Variants in NLGN3 observed in about 807,000 individuals in gnomAD.
NLGN3 encodes neuroligin-3.
A neutral mutation model predicts 42.9 loss-of-function variants in NLGN3; 11 were observed. The ratio of observed to expected loss-of-function variants is 0.26; its 90% CI spans 0.16 to 0.42. NLGN3 has a LOEUF of 0.42. NLGN3 is among the 10% of genes least tolerant of loss of function. The pLI is 1.00. For missense variants in NLGN3, 374 were observed against 733.8 expected (o/e 0.51, Z 5.67); for synonymous variants, 279 against 312.7 (o/e 0.89, Z 1.14).
rs369777561 is a variant in NLGN3 at position 71,167,186 on chromosome X, G to A, written c.1089G>A (p.Gln363=). The stretch of plus-strand genomic sequence containing the variant: ...AGAGTGCCAAGGAGCTGGTAGAGCA[G>A]GACATCCAGCCAGCCCGCTACCACG... ...RQKSAKELVE[Q]DIQPARYHVA... The change falls in exon 7 of 8, where the codon CAG becomes CAA. Residue 363 remains glutamine, a synonymous_variant. Transcript: ENST00000358741. 10 of 1,212,092 alleles carry A rather than the reference G, an allele frequency of 8.3e-6. No individual in the cohort carries two copies. The highest frequency in any genetic ancestry group is 1.1e-5 in the Non-Finnish European group (10 of 895,576).
chrX:71,156,446 C>T (rs950987166), intron 5 of NLGN3, among the ~76,000 whole-genome samples: 5 of 110,575 alleles, frequency 4.5e-5, no homozygotes, highest in Non-Finnish European at 7.6e-5. Flanking sequence ...TATATACATC[C>T]CACACACTGC....
At chrX:71,163,226 G>A (rs1298119634) in intron 5 of NLGN3, among the ~76,000 whole-genome samples, 1 of 111,121 alleles carries the variant, frequency 9.0e-6, no homozygotes, top group African/African-American at 3.3e-5. Flanking sequence ...GTGGGGGGGC[G>A]GGAAGACCTG....
chrX:71,170,300 G>C lies in NLGN3; in HGVS notation c.*203G>C, dbSNP rs1389830517. ...CCGCATGTACAAAAACACAAATACG[G>C]AAGTAAACCTGAACAAACCCTTTAA... On this transcript the variant is annotated 3_prime_UTR_variant, in exon 8 of 8. Transcript: ENST00000358741. 9.1e-7 allele frequency: 1 copy of C among 1,102,631 alleles called. No homozygotes were observed. Among genetic ancestry groups the C allele is most frequent in the African/African-American group, 1.8e-5 (1 of 54,512 alleles). The allele number at this position is 1,102,631 out of a possible 1,213,427, so 90.9% of individuals were successfully genotyped here. A position where few individuals can be genotyped will look rare whatever the true frequency, so the allele number is the denominator to read the frequency against.
chrX:71,161,704 G>A (rs1214994438), intron 5 of NLGN3, among the ~76,000 whole-genome samples: 1 of 111,490 alleles, frequency 9.0e-6, no homozygotes, highest in African/African-American at 3.3e-5. Flanking sequence ...AACCTGGGAG[G>A]CGGAGGTTGC....
downstream of NLGN3, chrX:71,171,546 T>TCTC: frequency 8.6e-6 from 2 of 231,361 alleles, no homozygotes; most frequent in South Asian, 2.0e-4. Flanking sequence ...TCCTCTTACT[T>TCTC]CTCCTCCTCC....
intron 3 of NLGN3, among the ~76,000 whole-genome samples, chrX:71,151,942 G>A (rs1016091761): frequency 8.9e-6 from 1 of 111,958 alleles, no homozygotes; most frequent in African/African-American, 3.2e-5. Context: ...AATGTGTTAA[G>A]ACGGTAGGTG....
intron 5 of NLGN3, among the ~76,000 whole-genome samples, chrX:71,156,289 C>T (rs2092408571): frequency 9.3e-6 from 1 of 107,899 alleles, no homozygotes. Flanking sequence ...TTTACACATC[C>T]ACCTACCACA....
At chrX:71,160,285 C>T (rs1482767560) in intron 5 of NLGN3, among the ~76,000 whole-genome samples, 1 of 104,756 alleles carries the variant, frequency 9.5e-6, no homozygotes, top group African/African-American at 3.5e-5. Flanking sequence ...GGCATGATCT[C>T]GGCTCACTAC....
chrX:71,156,650 A>C (rs1274840269), intron 5 of NLGN3, among the ~76,000 whole-genome samples: 3 of 110,010 alleles, frequency 2.7e-5, no homozygotes, highest in Non-Finnish European at 5.7e-5. Context: ...GTATCCATAC[A>C]TGCACACACA....
chrX:71,170,311 G>T lies in NLGN3; in HGVS notation c.*214G>T, dbSNP rs980478980. The T allele has an allele frequency of 7.3e-6, 8 of 1,090,855 alleles. No individual in the cohort carries two copies. In the African/African-American group the frequency reaches 1.1e-4, roughly 15 times the overall value. The allele number at this position is 1,090,855 out of a possible 1,213,427, so 89.9% of individuals were successfully genotyped here. ...AAAACACAAATACGGAAGTAAACCT[G>T]AACAAACCCTTTAAATGGGGACGCA... On this transcript the variant is annotated 3_prime_UTR_variant, in exon 8 of 8. Transcript: ENST00000358741.
chrX:71,171,926 T>G (rs964578640), downstream of NLGN3, among the ~76,000 whole-genome samples: 3 of 111,160 alleles, frequency 2.7e-5, no homozygotes, highest in Non-Finnish European at 5.7e-5. Context: ...GCAAGTATGA[T>G]AGTTGGGTGG....
chrX:71,155,414 G>A (rs771392387), intron 5 of NLGN3, 51 bp downstream of exon 5: 2 of 1,180,775 alleles, frequency 1.7e-6, no homozygotes, highest in Admixed American at 2.2e-5. Context: ...CGCAAGGGGG[G>A]AGGAAAGAAT....
At position 71,169,995 on chromosome X, in the gene NLGN3, C is replaced by T. The variant is rs1307441406; in HGVS notation, c.2445C>T (p.Pro815=). Residue 815 remains proline, a synonymous_variant, in exon 8 of 8, where the codon CCC becomes CCT. Transcript: ENST00000358741. ...CCCCCAACACCATCACTATGATCCC[C>T]AACTCCCTGGTAGGGCTGCAGACAT... ...LMTPNTITMI[P]NSLVGLQTLH... 1 of 1,209,529 alleles carries T rather than the reference C, an allele frequency of 8.3e-7. No individual in the cohort carries two copies. The highest frequency in any genetic ancestry group is 3.0e-5 in the East Asian group (1 of 33,732).
At chrX:71,160,213 C>CTTT (rs754499358) in intron 5 of NLGN3, among the ~76,000 whole-genome samples, 6 of 95,744 alleles carry the variant, frequency 6.3e-5, no homozygotes, top group Admixed American at 2.3e-4. Context: ...TTCTTTCTTT[C>CTTT]TTTTTTTTTT....
At chrX:71,157,410 G>A (rs920704240) in intron 5 of NLGN3, among the ~76,000 whole-genome samples, 74 of 109,975 alleles carry the variant, frequency 6.7e-4, no homozygotes, top group Non-Finnish European at 1.3e-3. Flanking sequence ...TGCAACCTCC[G>A]CCTCCCGGGT....
At chrX:71,148,450 G>T (rs1197740413) in intron 2 of NLGN3, among the ~76,000 whole-genome samples, 1 of 110,298 alleles carries the variant, frequency 9.1e-6, no homozygotes, top group African/African-American at 3.3e-5. Context: ...GAGCTCTGAC[G>T]GGTCTCGGTC....
intron 5 of NLGN3, among the ~76,000 whole-genome samples, chrX:71,161,878 C>A (rs181893527): frequency 8.8e-6 from 1 of 113,314 alleles, no homozygotes; most frequent in East Asian, 2.8e-4. Context: ...TCTACTACAT[C>A]CAAATGCAGG....
At chrX:71,164,351 C>T (rs2092439896) in intron 6 of NLGN3, 23 bp downstream of exon 6, 1 of 1,200,982 alleles carries the variant, frequency 8.3e-7, no homozygotes, top group African/African-American at 1.7e-5. Context: ...TGGGGCAAAA[C>T]ATGAACTAGC....
chrX:71,167,848 CT>C (rs1333358975), intron 7 of NLGN3, 48 bp downstream of exon 7: 3 of 1,029,381 alleles, frequency 2.9e-6, no homozygotes, highest in Non-Finnish European at 4.1e-6. Flanking sequence ...CCAGCATGCC[CT>C]CCCCTCTGCT....
Sources: gnomAD v4.1 joint callset for allele counts (sites outside exome capture counted in the v4.1 genomes callset) on GRCh38, gnomAD v4.1.1 for gene constraint, MANE v1.5 for transcripts, NCBI Gene and HGNC (gene_info 2026-07-23, HGNC 2026-07-21) for gene names.